The following SH3GL2 variants were observed in gnomAD, a reference collection of about 807,000 sequenced individuals.
SH3GL2 encodes the protein SH3 domain containing GRB2 like 2, endophilin A1.
SH3GL2 carries 24 observed loss-of-function variants against 46.0 expected under a neutral mutation model. That is an observed-to-expected ratio of 0.52 (90% CI 0.38 to 0.73). The LOEUF (loss-of-function observed/expected upper bound fraction) is 0.73. Ranked by LOEUF, SH3GL2 falls within the 30% of genes least tolerant of loss-of-function variation. SH3GL2 has a pLI of 0.00. For missense variants in SH3GL2, 413 were observed against 424.2 expected, an observed-to-expected ratio of 0.97 and a Z score of 0.23; for synonymous variants, 196 against 147.1, an observed-to-expected ratio of 1.33 and a Z score of -2.40.
At chr9:17,589,247 C>T (rs1588158842) in intron 1 of SH3GL2, 1 of 152,264 alleles carries the variant, frequency 6.6e-6, no homozygotes, top group Admixed American at 6.5e-5. Context: ...CTCACTACAG[C>T]CTCAATCCTC....
chr9:17,686,807 G>A (rs1425852308), intron 1 of SH3GL2, among the ~76,000 whole-genome samples: 1 of 120,134 alleles, frequency 8.3e-6, no homozygotes, highest in African/African-American at 3.2e-5. Context: ...GGGGAGGGGG[G>A]AGGGTTAGCA....
intron 1 of SH3GL2, among the ~76,000 whole-genome samples, chr9:17,745,607 G>A (rs1200382030): frequency 6.6e-6 from 1 of 152,110 alleles, no homozygotes; most frequent in Non-Finnish European, 1.5e-5. Flanking sequence ...GCTGTCCTAA[G>A]AGTGGTCTCT....
intron 1 of SH3GL2, among the ~76,000 whole-genome samples, chr9:17,734,348 A>G (rs1257474633): frequency 6.6e-6 from 1 of 152,136 alleles, no homozygotes; most frequent in East Asian, 1.9e-4. Flanking sequence ...CAGGACAAAT[A>G]TTGATGCTCA....
At chr9:17,625,026 G>T (rs1306520769) in intron 1 of SH3GL2, among the ~76,000 whole-genome samples, 5 of 152,290 alleles carry the variant, frequency 3.3e-5, no homozygotes, top group African/African-American at 1.2e-4. Context: ...TGTAAACCTT[G>T]GCTAGAGTTG....
intron 7 of SH3GL2, 35 bp from the exon 8 acceptor site, chr9:17,793,332 A>G (rs767004866): frequency 1.5e-5 from 24 of 1,585,812 alleles, no homozygotes; most frequent in Non-Finnish European, 1.8e-5. Flanking sequence ...TTAACTGGTT[A>G]CATAACCTTT....
chr9:17,654,590 A>G (rs1394122916), intron 1 of SH3GL2, among the ~76,000 whole-genome samples: 2 of 152,228 alleles, frequency 1.3e-5, no homozygotes, highest in Non-Finnish European at 2.9e-5. Flanking sequence ...TAAAGATGAA[A>G]GTTAATCTTT....
At chr9:17,745,962 T>A (rs1435910767) in intron 1 of SH3GL2, among the ~76,000 whole-genome samples, 1 of 152,220 alleles carries the variant, frequency 6.6e-6, no homozygotes, top group Non-Finnish European at 1.5e-5. Flanking sequence ...AATGAAAAGG[T>A]CTTCGTGCCA....
At chr9:17,597,757 C>G (rs538719311) in intron 1 of SH3GL2, among the ~76,000 whole-genome samples, 34 of 152,218 alleles carry the variant, frequency 2.2e-4, no homozygotes, top group Non-Finnish European at 4.1e-4. Flanking sequence ...ATAAGCTACT[C>G]TAGAAATTAT....
At chr9:17,737,330 A>T (rs1276456413) in intron 1 of SH3GL2, among the ~76,000 whole-genome samples, 2 of 152,146 alleles carry the variant, frequency 1.3e-5, no homozygotes, top group Non-Finnish European at 2.9e-5. Context: ...CTGCACATGT[A>T]TCCCAGAACT....
chr9:17,659,675 C>G (rs756668424), intron 1 of SH3GL2, among the ~76,000 whole-genome samples: 1 of 152,058 alleles, frequency 6.6e-6, no homozygotes, highest in Non-Finnish European at 1.5e-5. Flanking sequence ...TCAGAGTTTA[C>G]TGATTATTTC....
intron 7 of SH3GL2, among the ~76,000 whole-genome samples, 175 bp downstream of exon 7, chr9:17,791,509 G>A (rs1329982686): frequency 1.3e-5 from 2 of 152,144 alleles, no homozygotes; most frequent in East Asian, 1.9e-4. Context: ...TTTGTTTTAC[G>A]TTGTTCTGTT....
At chr9:17,666,822 G>T (rs902560218) in intron 1 of SH3GL2, among the ~76,000 whole-genome samples, 1 of 152,044 alleles carries the variant, frequency 6.6e-6, no homozygotes, top group Admixed American at 6.6e-5. Flanking sequence ...ACTTTTGTTA[G>T]ATTTGTCAAA....
chr9:17,776,058 A>T lies in SH3GL2; in HGVS notation c.188-10323A>T, dbSNP rs181686497. ...TTCCCAAAATACTGCCATCATAATC[A>T]TCTAGGGTGGGGAGAAAAATAGGGT... is the stretch of plus-strand genomic sequence containing the variant. On this transcript the variant is annotated intron_variant, in intron 3 of 8. Coordinates refer to ENST00000380607, the MANE Select transcript of SH3GL2 (RefSeq NM_003026.5). Among the ~76,000 whole-genome samples, 501 of 152,272 alleles carry T rather than the reference A, an allele frequency of 3.3e-3. 3 individuals are homozygous for T. The highest frequency in any genetic ancestry group is 0.012 in the African/African-American group (480 of 41,558).
At chr9:17,633,330 T>C (rs1168044379) in intron 1 of SH3GL2, among the ~76,000 whole-genome samples, 1 of 152,102 alleles carries the variant, frequency 6.6e-6, no homozygotes, top group Non-Finnish European at 1.5e-5. Context: ...TGCACATCCA[T>C]TGTGGGAGGA....
chr9:17,696,566 T>C (rs530356792), intron 1 of SH3GL2, among the ~76,000 whole-genome samples: 45 of 152,132 alleles, frequency 3.0e-4, no homozygotes, highest in Non-Finnish European at 5.0e-4. Flanking sequence ...AGGCACCTTC[T>C]TCACAGGGCG....
rs148542244 is a variant in SH3GL2 at position 17,612,252 on chromosome 9, G to A, written c.45+32965G>A. ...GGAGGAAAAGCCCTTCCGGGAGTGT[G>A]CCTGAGTGTGGCTTGTGGTGAATTT... is the stretch of plus-strand genomic sequence containing the variant. On this transcript the variant is annotated intron_variant, in intron 1 of 8. Coordinates refer to ENST00000380607, the MANE Select transcript of SH3GL2 (RefSeq NM_003026.5). 2.6e-4 allele frequency among the ~76,000 whole-genome samples: 39 copies of A among 152,290 alleles called. No homozygotes were observed. The East Asian group carries it at 7.3e-3, about 29-fold the overall frequency.
chr9:17,683,952 A>G (rs1820839580), intron 1 of SH3GL2, among the ~76,000 whole-genome samples: 1 of 152,106 alleles, frequency 6.6e-6, no homozygotes, highest in African/African-American at 2.4e-5. Context: ...TAAGATTAGC[A>G]GGATGCGAGA....
chr9:17,597,352 C>T (rs762336778), intron 1 of SH3GL2, among the ~76,000 whole-genome samples: 5 of 151,942 alleles, frequency 3.3e-5, no homozygotes, highest in African/African-American at 4.8e-5. Flanking sequence ...CCTGTCTGTG[C>T]TAAAATACAA....
intron 1 of SH3GL2, among the ~76,000 whole-genome samples, chr9:17,621,465 C>G (rs1406445622): frequency 6.6e-6 from 1 of 152,220 alleles, no homozygotes; most frequent in Non-Finnish European, 1.5e-5. Context: ...ATCCCATGAT[C>G]ACAATCATAT....
Sources: allele counts gnomAD v4.1 joint callset (sites outside exome capture counted in the v4.1 genomes callset), GRCh38; gene constraint gnomAD v4.1.1; transcripts MANE v1.5; gene names NCBI Gene and HGNC (gene_info 2026-07-23, HGNC 2026-07-21).